The following CAPRIN1 variants were observed in gnomAD, a reference collection of about 807,000 sequenced individuals.
CAPRIN1 encodes caprin-1.
In CAPRIN1, 29 loss-of-function variants were observed where a neutral mutation model predicts 100.9. That is an observed-to-expected ratio of 0.29 (90% CI 0.21 to 0.39). CAPRIN1 has a LOEUF of 0.39. CAPRIN1 is among the 10% of genes least tolerant of loss of function. The probability of loss-of-function intolerance (pLI) is 1.00; values close to 1 mark genes in which losing one functional copy is unlikely to be tolerated. For synonymous variants in CAPRIN1, 338 were observed against 307.5 expected (o/e 1.10, Z -1.04); for missense variants, 795 against 876.7 (o/e 0.91, Z 1.18).
chr11:34,086,113 C>T lies in CAPRIN1; in HGVS notation c.1016C>T (p.Pro339Leu). The change falls in exon 10 of 19, where the codon CCA becomes CTA. Residue 339 changes from proline (P) to leucine (L), a missense_variant. By Grantham distance (98) the Pro-to-Leu change is moderately conservative. Around this residue, in one of 3 missense-constraint regions of CAPRIN1, gnomAD observed 648 missense variants for 697.9 expected, o/e 0.93. Coordinates refer to ENST00000341394, the MANE Select transcript of CAPRIN1 (RefSeq NM_005898.5). ...CCTCAGGCTGCATCCCCTTCAGTAC[C>T]AGAGCCCCACTCTTTGACTCCAGTG... The part of the protein sequence containing the change: ...QQPQAASPSV[P>L]EPHSLTPVAQ... The T allele has an allele frequency of 1.2e-6, 2 of 1,614,072 alleles. No homozygotes were observed. Among genetic ancestry groups the T allele is most frequent in the Non-Finnish European group, 1.7e-6 (2 of 1,179,994 alleles).
At chr11:34,087,964 G>A (rs931679532) in intron 11 of CAPRIN1, among the ~76,000 whole-genome samples, 2 of 152,156 alleles carry the variant, frequency 1.3e-5, no homozygotes, top group South Asian at 4.1e-4. Flanking sequence ...GAAGATGCAT[G>A]CTGAGTTGAA....
At chr11:34,089,022 A>G (rs944825137) in intron 11 of CAPRIN1, among the ~76,000 whole-genome samples, 2 of 151,778 alleles carry the variant, frequency 1.3e-5, no homozygotes, top group Non-Finnish European at 2.9e-5. Context: ...TAATCCCAGC[A>G]CTTTGGGAGG....
intron 2 of CAPRIN1, among the ~76,000 whole-genome samples, chr11:34,056,162 A>C (rs893544889): frequency 6.6e-6 from 1 of 152,194 alleles, no homozygotes; most frequent in African/African-American, 2.4e-5. Context: ...ACTTCAGTCC[A>C]TTTAGCAACT....
rs1308279435 is a variant in CAPRIN1, at chr11:34,072,384, TGTATAGTA to T, written c.366+399_366+406del. ...GACCAAGTTTGAGATTTGACAACCATGTATAGTAGCTATGCTAAAGGTCTCATTGGTTT... is the reference window on the plus strand; with the variant it reads ...GACCAAGTTTGAGATTTGACAACCATGCTATGCTAAAGGTCTCATTGGTTT... On this transcript the variant is annotated intron_variant, in intron 4 of 18. Transcript: ENST00000341394. Among the ~76,000 whole-genome samples, 13 of 151,982 alleles carry T rather than the reference TGTATAGTA, an allele frequency of 8.6e-5. No homozygotes were observed. In the East Asian group the frequency reaches 2.3e-3, roughly 27 times the overall value.
chr11:34,096,625 G>A lies in CAPRIN1; in HGVS notation c.1852G>A (p.Ala618Thr). Residue 618 changes from alanine (A) to threonine (T), a missense_variant, in exon 16 of 19, where the codon GCT (alanine) becomes ACT (threonine). This residue lies in a region of CAPRIN1 where 648 missense variants were observed against 697.9 expected (regional missense o/e 0.93). Transcript: ENST00000341394. ...RGVSRGGSRG[A>T]RGLMNGYRGP... ...TGTGTCTCGTGGAGGCTCCCGTGGT[G>A]CTAGAGGCTTGATGAATGGATACCG... is the stretch of plus-strand genomic sequence containing the variant. The A allele has an allele frequency of 6.2e-7, 1 of 1,612,192 alleles. No individual in the cohort carries two copies. The highest frequency in any genetic ancestry group is 1.1e-5 in the South Asian group (1 of 91,036).
chr11:34,096,382 G>A (rs935963138), intron 15 of CAPRIN1, 97 bp from the exon 16 acceptor site: 34 of 768,236 alleles, frequency 4.4e-5, no homozygotes, highest in Non-Finnish European at 6.1e-5. Context: ...AAACTTTAAG[G>A]AGACTGTATA....
rs1047135751 is a variant in CAPRIN1, at chr11:34,065,883, A to G, written c.217-5843A>G. On this transcript the variant is annotated intron_variant, in intron 2 of 18. Transcript: ENST00000341394. Reference sequence around the variant, plus strand: ...GGCAAGGACAGGGGATAGGATATTTATAATAGTAGTGTAGAAAATGTTAAC... The same window carrying G: ...GGCAAGGACAGGGGATAGGATATTTGTAATAGTAGTGTAGAAAATGTTAAC... Among the ~76,000 whole-genome samples, 3 of 152,332 alleles carry G rather than the reference A, an allele frequency of 2.0e-5. No homozygotes were observed. In the South Asian group the frequency reaches 6.2e-4, roughly 32 times the overall value.
At chr11:34,079,478 C>T (rs1006791288) in intron 6 of CAPRIN1, 150 bp from the exon 7 acceptor site, 1 of 592,606 alleles carries the variant, frequency 1.7e-6, no homozygotes, top group African/African-American at 1.9e-5. Context: ...TAATACATTT[C>T]TGTTCTTGGT....
chr11:34,097,799 A>G (rs1365059356), intron 18 of CAPRIN1, 38 bp downstream of exon 18: 1 of 1,613,790 alleles, frequency 6.2e-7, no homozygotes, highest in East Asian at 2.2e-5. Context: ...TCCTAAGTGG[A>G]GCTTCTGTTC....
At chr11:34,095,830 T>C (rs1851358630) in intron 15 of CAPRIN1, 1 of 152,252 alleles carries the variant, frequency 6.6e-6, no homozygotes, top group Admixed American at 6.5e-5. Flanking sequence ...GTCTAGAACC[T>C]TCAAGTGGGT....
At chr11:34,097,357 T>G in intron 17 of CAPRIN1, 61 bp downstream of exon 17, 1 of 1,307,218 alleles carries the variant, frequency 7.6e-7, no homozygotes. Context: ...AGTGACTTAG[T>G]GTTGTTGCTT....
intron 7 of CAPRIN1, among the ~76,000 whole-genome samples, chr11:34,081,639 G>C (rs1851031796): frequency 6.6e-6 from 1 of 151,936 alleles, no homozygotes; most frequent in Admixed American, 6.6e-5. Flanking sequence ...GATTACAGGT[G>C]CATGGCACCA....
chr11:34,053,106 C>T lies in CAPRIN1; in HGVS notation c.216+470C>T, dbSNP rs538111766. ...TGCGTCCTGCAGCCTTGGGGTCTGTCCGCTCGGTTACCATGCACTCGAGAC... is the reference window on the plus strand; with the variant it reads ...TGCGTCCTGCAGCCTTGGGGTCTGTTCGCTCGGTTACCATGCACTCGAGAC... On this transcript the variant is annotated intron_variant, in intron 2 of 18. Transcript: ENST00000341394. 4.6e-5 allele frequency: 46 copies of T among 1,003,700 alleles called. 1 individual carries two copies. In the South Asian group the frequency reaches 1.5e-3, roughly 32 times the overall value. 62.2% of individuals were successfully genotyped at this position (1,003,700 alleles called of 1,614,324 possible). A position where few individuals can be genotyped will look rare whatever the true frequency, so the allele number is the denominator to read the frequency against.
In CAPRIN1 at chr11:34,089,977, C is replaced by T. The variant is rs1428453290; in HGVS notation, c.1294-202C>T. ...TATAACGAGACTTGGGTTTATTTAA[C>T]GTCGAGCTTCAAAAATATATATATT... On this transcript the variant is annotated intron_variant, in intron 12 of 18. Coordinates refer to ENST00000341394, the MANE Select transcript of CAPRIN1 (RefSeq NM_005898.5). The T allele has an allele frequency of 2.7e-5, 9 of 339,604 alleles. No individual in the cohort carries two copies. In the South Asian group the frequency reaches 3.1e-4, roughly 12 times the overall value. 21.0% of individuals were successfully genotyped at this position (339,604 alleles called of 1,614,324 possible).
At chr11:34,097,784 C>CTA in intron 18 of CAPRIN1, 23 bp downstream of exon 18, 1 of 1,613,832 alleles carries the variant, frequency 6.2e-7, no homozygotes, top group Non-Finnish European at 8.5e-7. Context: ...GGTGGTGATC[C>CTA]TAGCTCCTAA....
At chr11:34,091,181 T>C (rs1851256082) in intron 14 of CAPRIN1, among the ~76,000 whole-genome samples, 1 of 152,246 alleles carries the variant, frequency 6.6e-6, no homozygotes, top group Non-Finnish European at 1.5e-5. Flanking sequence ...AGATTAAATA[T>C]TAAAATAACT....
At chr11:34,097,091 C>A in intron 16 of CAPRIN1, 105 bp from the exon 17 acceptor site, 2 of 773,514 alleles carry the variant, frequency 2.6e-6, no homozygotes, top group Non-Finnish European at 4.3e-6. Context: ...ATTTGATTAA[C>A]TAGCCTGGCT....
At chr11:34,067,953 G>A (rs185949272) in intron 2 of CAPRIN1, among the ~76,000 whole-genome samples, 80 of 152,150 alleles carry the variant, frequency 5.3e-4, no homozygotes, top group Non-Finnish European at 6.9e-4. Flanking sequence ...AGTTATTGCC[G>A]TGTAACAGAT....
intron 7 of CAPRIN1, 139 bp downstream of exon 7, chr11:34,079,904 AGTTTTTTTT>A: frequency 2.0e-6 from 1 of 496,814 alleles, no homozygotes; most frequent in African/African-American, 2.3e-5. Context: ...AGCATGACAA[AGTTTTTTTT>A]TTTTTTTTTT....
Sources: gnomAD v4.1 joint callset for allele counts (sites outside exome capture counted in the v4.1 genomes callset) on GRCh38, gnomAD v4.1.1 for gene constraint, gnomAD v4.1.1 regional missense constraint, MANE v1.5 for transcripts, NCBI Gene and HGNC (gene_info 2026-07-23, HGNC 2026-07-21) for gene names.